Variants in DOCK3 observed in about 807,000 individuals in gnomAD.
The protein encoded by DOCK3 is dedicator of cytokinesis protein 3.
Under a neutral mutation model 265.6 loss-of-function variants are expected in DOCK3, and 60 were observed. The observed-to-expected ratio is 0.23, with a 90% CI of 0.18 to 0.28. The LOEUF (loss-of-function observed/expected upper bound fraction) is 0.28. DOCK3 is among the 10% of genes least tolerant of loss of function. The probability of loss-of-function intolerance (pLI) is 1.00; values close to 1 mark genes in which losing one functional copy is unlikely to be tolerated. For missense variants in DOCK3, 1,981 were observed against 2,594.3 expected, an observed-to-expected ratio of 0.76 and a Z score of 5.14; for synonymous variants, 881 against 938.0, an observed-to-expected ratio of 0.94 and a Z score of 1.11.
At chr3:51,205,104 C>T (rs1469083784) in intron 12 of DOCK3, among the ~76,000 whole-genome samples, 2 of 151,752 alleles carry the variant, frequency 1.3e-5, no homozygotes, top group African/African-American at 4.8e-5. Flanking sequence ...CAGCATGTCA[C>T]ATGTATACAT....
chr3:51,110,141 A>G (rs563107972), intron 9 of DOCK3, among the ~76,000 whole-genome samples: 1 of 152,254 alleles, frequency 6.6e-6, no homozygotes, highest in Non-Finnish European at 1.5e-5. Flanking sequence ...CAGACAAATG[A>G]CAAACTCCAA....
At chr3:51,045,937 G>T (rs1365375085) in intron 5 of DOCK3, among the ~76,000 whole-genome samples, 2 of 151,990 alleles carry the variant, frequency 1.3e-5, no homozygotes, top group African/African-American at 2.4e-5. Flanking sequence ...AGTACAGATG[G>T]GTAGCAGCTC....
intron 32 of DOCK3, 130 bp from the exon 33 acceptor site, chr3:51,330,008 C>A: frequency 1.1e-6 from 1 of 895,284 alleles, no homozygotes; most frequent in Non-Finnish European, 1.7e-6. Flanking sequence ...ACTACCTTCC[C>A]TGGGATTTCT....
intron 10 of DOCK3, among the ~76,000 whole-genome samples, chr3:51,150,233 C>A (rs2085513050): frequency 6.6e-6 from 1 of 151,668 alleles, no homozygotes; most frequent in Non-Finnish European, 1.5e-5. Context: ...TCTCTCTTTT[C>A]TTTATTAGTC....
At chr3:51,191,211 G>T (rs779702013) in intron 12 of DOCK3, among the ~76,000 whole-genome samples, 25 of 151,988 alleles carry the variant, frequency 1.6e-4, no homozygotes, top group Non-Finnish European at 3.2e-4. Context: ...GGGGCACCTG[G>T]CTCCTGCACT....
chr3:50,998,544 C>T (rs890774233), intron 5 of DOCK3, among the ~76,000 whole-genome samples: 1 of 152,150 alleles, frequency 6.6e-6, no homozygotes, highest in Non-Finnish European at 1.5e-5. Context: ...GCCATGGGTA[C>T]CTGGTATACC....
At chr3:50,723,124 A>G (rs541784601) in intron 1 of DOCK3, among the ~76,000 whole-genome samples, 1 of 152,218 alleles carries the variant, frequency 6.6e-6, no homozygotes, top group South Asian at 2.1e-4. Flanking sequence ...ACCACGTGAA[A>G]ATTTTTAGAA....
intron 7 of DOCK3, among the ~76,000 whole-genome samples, chr3:51,085,939 C>A (rs2082403283): frequency 6.6e-6 from 1 of 152,088 alleles, no homozygotes; most frequent in South Asian, 2.1e-4. Flanking sequence ...AAAAGAAGGT[C>A]CATGCTGAGA....
At chr3:50,800,467 A>G (rs1013805960) in intron 2 of DOCK3, among the ~76,000 whole-genome samples, 1 of 152,010 alleles carries the variant, frequency 6.6e-6, no homozygotes, top group Non-Finnish European at 1.5e-5. Context: ...TTTTAAATTT[A>G]TTGACATATT....
At chr3:51,119,583 A>G (rs895477388) in intron 9 of DOCK3, among the ~76,000 whole-genome samples, 4 of 152,132 alleles carry the variant, frequency 2.6e-5, no homozygotes, top group African/African-American at 9.7e-5. Context: ...TCCATTCTCC[A>G]CATCACCTTC....
At chr3:51,004,113 G>C (rs2078580516) in intron 5 of DOCK3, among the ~76,000 whole-genome samples, 1 of 151,990 alleles carries the variant, frequency 6.6e-6, no homozygotes, top group South Asian at 2.1e-4. Flanking sequence ...ATAGAATGCA[G>C]TAAAAATGAT....
rs566235021 is a variant in DOCK3, at chr3:51,361,981, T to C, written c.5129T>C (p.Leu1710Pro). ...TCCATGGGTGATGCTCCTGAGGACC[T>C]GTACCACCACATGCAGGTACAGAGC... Reference protein sequence around the residue: ...DGSMGDAPEDLYHHMQLAYPN... With the variant: ...DGSMGDAPEDPYHHMQLAYPN... Residue 1710 changes from leucine (L) to proline (P), a missense_variant, in exon 48 of 53, where the codon CTG (leucine) becomes CCG (proline). By Grantham distance (98) the Leu-to-Pro change is moderately conservative. Around this residue, in one of 4 missense-constraint regions of DOCK3, gnomAD observed 1,357 missense variants for 1,866.8 expected, o/e 0.73. Transcript: ENST00000266037. This position sits in a 1 kb window ranked among gnomAD's most constrained non-coding sequence, Gnocchi z 4.2. 6.2e-7 allele frequency: 1 copy of C among 1,608,870 alleles called. No individual in the cohort carries two copies. The highest frequency in any genetic ancestry group is 2.2e-5 in the East Asian group (1 of 44,686).
At chr3:51,014,483 C>G (rs1310087846) in intron 5 of DOCK3, among the ~76,000 whole-genome samples, 2 of 152,056 alleles carry the variant, frequency 1.3e-5, no homozygotes, top group Non-Finnish European at 2.9e-5. Flanking sequence ...AGTTAAATAC[C>G]TCCATTGATT....
Position 50,716,315 on chromosome 3 carries a change from C to T in DOCK3, c.37+41015C>T, listed in dbSNP as rs202074084. 7.2e-5 allele frequency among the ~76,000 whole-genome samples: 11 copies of T among 152,178 alleles called. No individual in the cohort carries two copies. In the East Asian group the frequency reaches 2.1e-3, roughly 29 times the overall value. On this transcript the variant is annotated intron_variant, in intron 1 of 52. Coordinates refer to ENST00000266037, the MANE Select transcript of DOCK3 (RefSeq NM_004947.5). ...GGCTGAGGTGGGCGGATCACGAAGT[C>T]AGGAGATCGAGACCATCCTGGCTAA... is the stretch of plus-strand genomic sequence containing the variant.
chr3:50,758,227 A>C (rs1418153292), intron 1 of DOCK3, among the ~76,000 whole-genome samples: 5 of 149,442 alleles, frequency 3.3e-5, no homozygotes, highest in Admixed American at 2.7e-4. Context: ...ATTGGACATA[A>C]ATTTGAAGGT....
At chr3:51,053,744 G>A (rs891722169) in intron 5 of DOCK3, among the ~76,000 whole-genome samples, 7 of 151,956 alleles carry the variant, frequency 4.6e-5, no homozygotes, top group Non-Finnish European at 8.8e-5. Context: ...TTGAACCAAT[G>A]TTTAGTTGTT....
At chr3:51,345,548 A>G (rs1387483737) in intron 38 of DOCK3, among the ~76,000 whole-genome samples, 4 of 152,172 alleles carry the variant, frequency 2.6e-5, no homozygotes, top group Non-Finnish European at 5.9e-5. Context: ...CTTGAGCCCA[A>G]GCATTCAAGG....
intron 5 of DOCK3, among the ~76,000 whole-genome samples, chr3:51,010,961 C>G (rs1288618609): frequency 6.6e-6 from 1 of 152,150 alleles, no homozygotes; most frequent in African/African-American, 2.4e-5. Context: ...TCTCTCTTCT[C>G]GCTTGTGGGG....
At chr3:51,074,211 G>T (rs2081978806) in intron 6 of DOCK3, among the ~76,000 whole-genome samples, 1 of 152,158 alleles carries the variant, frequency 6.6e-6, no homozygotes, top group South Asian at 2.1e-4. Flanking sequence ...GAGAGTTACA[G>T]ACCCTCTCCT....
Sources: allele counts gnomAD v4.1 joint callset (sites outside exome capture counted in the v4.1 genomes callset), GRCh38; gene constraint gnomAD v4.1.1; regional missense constraint gnomAD v4.1.1; non-coding constraint Gnocchi (gnomAD v3.1); transcripts MANE v1.5; gene names NCBI Gene and HGNC (gene_info 2026-07-23, HGNC 2026-07-21).